NTN1: variants seen among roughly 807,000 people sequenced by gnomAD.
NTN1 encodes the protein netrin-1.
In NTN1, 11 loss-of-function variants were observed where a neutral mutation model predicts 54.2. That is an observed-to-expected ratio of 0.20 (90% CI 0.13 to 0.34). The LOEUF is 0.34. Ranked by LOEUF, NTN1 falls within the 10% of genes least tolerant of loss-of-function variation. NTN1 has a pLI of 1.00. For missense variants in NTN1, 740 were observed against 893.1 expected (o/e 0.83, Z 2.18); for synonymous variants, 371 against 382.0 (o/e 0.97, Z 0.33).
chr17:9,124,444 T>G (rs2092239990), intron 2 of NTN1, among the ~76,000 whole-genome samples: 1 of 152,240 alleles, frequency 6.6e-6, no homozygotes, highest in Non-Finnish European at 1.5e-5. Flanking sequence ...GGAAGCCGGC[T>G]GGGTGGTCTG....
upstream of NTN1, among the ~76,000 whole-genome samples, chr17:9,018,591 T>C (rs946188565): frequency 7.7e-6 from 1 of 129,716 alleles, no homozygotes; most frequent in Non-Finnish European, 1.6e-5. Context: ...GCCATTGCAC[T>C]CCAGCCTGGG....
intron 2 of NTN1, among the ~76,000 whole-genome samples, chr17:9,136,185 C>T (rs534365813): frequency 6.6e-6 from 1 of 152,340 alleles, no homozygotes; most frequent in East Asian, 1.9e-4. Flanking sequence ...TGCTGCCCTG[C>T]ACACCTCAGT....
intron 2 of NTN1, among the ~76,000 whole-genome samples, chr17:9,084,172 A>G (rs1038214586): frequency 6.6e-6 from 1 of 152,132 alleles, no homozygotes; most frequent in African/African-American, 2.4e-5. Flanking sequence ...CAGTGGCTTG[A>G]TCTAAGCTCA....
intron 2 of NTN1, among the ~76,000 whole-genome samples, chr17:9,159,757 C>T (rs1024324456): frequency 1.6e-4 from 24 of 152,096 alleles, no homozygotes; most frequent in Admixed American, 3.3e-4. Flanking sequence ...GCCAAGATCA[C>T]GCCACTGCAC....
intron 5 of NTN1, among the ~76,000 whole-genome samples, chr17:9,208,092 C>T (rs560524568): frequency 1.3e-5 from 2 of 152,170 alleles, no homozygotes; most frequent in South Asian, 2.1e-4. Context: ...ATTAGCCAGG[C>T]GTAGTGGTGT....
intron 2 of NTN1, among the ~76,000 whole-genome samples, chr17:9,051,406 C>T (rs1328984235): frequency 6.6e-6 from 1 of 152,170 alleles, no homozygotes; most frequent in East Asian, 1.9e-4. Flanking sequence ...TAAATAAGAG[C>T]CAGTGCTCCC....
intron 5 of NTN1, among the ~76,000 whole-genome samples, chr17:9,203,118 T>C (rs1030540994): frequency 1.4e-4 from 22 of 151,926 alleles, no homozygotes; most frequent in Non-Finnish European, 2.5e-4. Context: ...AGATGGGGTT[T>C]CACCATGTTA....
chr17:9,007,510 CT>C, the NTN1 span, among the ~76,000 whole-genome samples: 46 of 145,922 alleles, frequency 3.2e-4, no homozygotes, highest in Non-Finnish European at 6.2e-4. Flanking sequence ...ATCTTTCTTT[CT>C]TTTTTCTTTC....
chr17:9,021,326 C>G (rs2091846329), upstream of NTN1, among the ~76,000 whole-genome samples: 1 of 151,956 alleles, frequency 6.6e-6, no homozygotes, highest in African/African-American at 2.4e-5. Flanking sequence ...GCTGTTCTTT[C>G]TCGGGCTCCC....
At chr17:9,013,889 T>C in the NTN1 span, among the ~76,000 whole-genome samples, 2 of 152,222 alleles carry the variant, frequency 1.3e-5, no homozygotes, top group African/African-American at 4.8e-5. Flanking sequence ...ATTTTCTTTA[T>C]TTTAATAGCA....
chr17:9,163,956 A>G (rs574424728), intron 3 of NTN1, among the ~76,000 whole-genome samples: 1 of 152,360 alleles, frequency 6.6e-6, no homozygotes, highest in East Asian at 1.9e-4. Context: ...CCTGACCTGG[A>G]CTTGTGTAGA....
intron 2 of NTN1, among the ~76,000 whole-genome samples, chr17:9,070,008 G>A (rs1422709979): frequency 6.6e-6 from 1 of 152,164 alleles, no homozygotes; most frequent in African/African-American, 2.4e-5. Context: ...TCCCCAGCAC[G>A]TGGCTGGGGA....
At chr17:9,043,267 A>T (rs973407867) in intron 2 of NTN1, among the ~76,000 whole-genome samples, 1 of 152,074 alleles carries the variant, frequency 6.6e-6, no homozygotes, top group Non-Finnish European at 1.5e-5. Flanking sequence ...TGTGAAAGTG[A>T]TAATAATAAC....
Position 9,239,640 on chromosome 17 carries a change from C to G in NTN1, c.1487C>G (p.Ala496Gly), listed in dbSNP as rs781630973. 1 of 1,602,238 alleles carries G rather than the reference C, an allele frequency of 6.2e-7. No homozygotes were observed. Among genetic ancestry groups the G allele is most frequent in the East Asian group, 2.2e-5 (1 of 44,524 alleles). ...CCCGTCTGCCTGTGCTTCCTTGCAG[C>G]CGTCCAGATCCACATCCTGAAGGCG... ...NMKKYCKKDY[A>G]VQIHILKADK... Residue 496 changes from alanine to glycine, a missense_variant and splice_region_variant, in exon 7 of 7, where the codon GCC (alanine) becomes GGC (glycine). Transcript: ENST00000173229. The surrounding 1 kb of genome is among the most constrained non-coding windows in gnomAD (Gnocchi z 5.2).
chr17:9,194,493 A>G (rs1904569403), intron 5 of NTN1, among the ~76,000 whole-genome samples: 1 of 152,202 alleles, frequency 6.6e-6, no homozygotes, highest in Admixed American at 6.5e-5. Flanking sequence ...CAGTTATTTC[A>G]GGTGTTTAAA....
chr17:9,037,376 A>G (rs1313495755), intron 2 of NTN1, among the ~76,000 whole-genome samples: 1 of 151,996 alleles, frequency 6.6e-6, no homozygotes, highest in Non-Finnish European at 1.5e-5. Flanking sequence ...GCTCATGGTG[A>G]ATGATTTCCT....
intron 2 of NTN1, among the ~76,000 whole-genome samples, chr17:9,145,657 C>T (rs1168047044): frequency 6.6e-6 from 1 of 152,152 alleles, no homozygotes; most frequent in Non-Finnish European, 1.5e-5. Flanking sequence ...TGGCTCACAC[C>T]TGTAATCCCA....
intron 6 of NTN1, among the ~76,000 whole-genome samples, chr17:9,231,043 TCTC>T (rs777009474): frequency 1.1e-4 from 17 of 152,096 alleles, no homozygotes; most frequent in Non-Finnish European, 2.1e-4. Context: ...AGGCTAGTCT[TCTC>T]CTGGCTCAGC....
At chr17:9,048,302 T>C (rs991446948) in intron 2 of NTN1, among the ~76,000 whole-genome samples, 5 of 129,054 alleles carry the variant, frequency 3.9e-5, no homozygotes, top group Admixed American at 8.8e-5. Flanking sequence ...GCAGTAATAT[T>C]TTGAAAGGAA....
Sources: gnomAD v4.1 joint callset for allele counts (sites outside exome capture counted in the v4.1 genomes callset) on GRCh38, gnomAD v4.1.1 for gene constraint, Gnocchi (gnomAD v3.1) non-coding constraint, MANE v1.5 for transcripts, NCBI Gene and HGNC (gene_info 2026-07-23, HGNC 2026-07-21) for gene names.